Variants in PLEKHA5 observed in about 807,000 individuals in gnomAD.
PLEKHA5 encodes pleckstrin homology domain containing A5, also known as pleckstrin homology domain-containing family A member 5.
Under a neutral mutation model 181.9 loss-of-function variants are expected in PLEKHA5, and 55 were observed. That is an observed-to-expected ratio of 0.30 (90% confidence interval 0.24 to 0.38). PLEKHA5 has a LOEUF of 0.38. PLEKHA5 is among the 10% of genes least tolerant of loss of function. The pLI, the probability that PLEKHA5 is intolerant of heterozygous loss-of-function variation, is 1.00. For synonymous variants in PLEKHA5, 535 were observed against 529.4 expected, an observed-to-expected ratio of 1.01 and a Z score of -0.15; for missense variants, 1,432 against 1,549.5, an observed-to-expected ratio of 0.92 and a Z score of 1.27.
intron 3 of PLEKHA5, among the ~76,000 whole-genome samples, chr12:19,226,894 CAA>C (rs928962894): frequency 6.6e-6 from 1 of 151,928 alleles, no homozygotes; most frequent in African/African-American, 2.4e-5. Flanking sequence ...ATTTAGGAAT[CAA>C]AGAGTTATAC....
chr12:19,258,610 A>G (rs1460528130), intron 6 of PLEKHA5, among the ~76,000 whole-genome samples: 2 of 139,418 alleles, frequency 1.4e-5, no homozygotes, highest in Non-Finnish European at 3.0e-5. Context: ...ACCTGCCCAG[A>G]CTGGAGGGCA....
At chr12:19,277,558 A>G (rs1303496961) in intron 11 of PLEKHA5, among the ~76,000 whole-genome samples, 1 of 152,122 alleles carries the variant, frequency 6.6e-6, no homozygotes, top group Non-Finnish European at 1.5e-5. Context: ...GCCAGTTTTT[A>G]TAAATACTGT....
intron 3 of PLEKHA5, among the ~76,000 whole-genome samples, chr12:19,133,438 C>G (rs938655537): frequency 9.2e-5 from 14 of 151,794 alleles, no homozygotes. Flanking sequence ...TTTTAATAAA[C>G]TGAGACATGA....
intron 3 of PLEKHA5, among the ~76,000 whole-genome samples, chr12:19,224,723 T>A (rs1281022242): frequency 6.6e-6 from 1 of 152,210 alleles, no homozygotes; most frequent in Non-Finnish European, 1.5e-5. Context: ...AGTGTTCTAA[T>A]GAAATAAAAA....
At chr12:19,161,261 A>G (rs772666602) in intron 3 of PLEKHA5, among the ~76,000 whole-genome samples, 9 of 152,100 alleles carry the variant, frequency 5.9e-5, no homozygotes, top group African/African-American at 1.4e-4. Context: ...AAATGTGCCA[A>G]TTGCCCTCAC....
At chr12:19,310,060 C>T (rs558442614) in intron 15 of PLEKHA5, among the ~76,000 whole-genome samples, 6 of 152,060 alleles carry the variant, frequency 3.9e-5, no homozygotes, top group Non-Finnish European at 8.8e-5. Flanking sequence ...AAATAATCTG[C>T]CTTTTATAAT....
intron 3 of PLEKHA5, among the ~76,000 whole-genome samples, chr12:19,148,352 C>T (rs1216783704): frequency 2.6e-5 from 4 of 152,086 alleles, no homozygotes; most frequent in African/African-American, 7.2e-5. Context: ...CCACCATGTC[C>T]GTGAAGTTAT....
intron 3 of PLEKHA5, among the ~76,000 whole-genome samples, chr12:19,157,024 C>T (rs929392168): frequency 1.3e-4 from 20 of 150,866 alleles, no homozygotes; most frequent in African/African-American, 3.4e-4. Flanking sequence ...GCCACTGCAC[C>T]GTAGCCTGGT....
chr12:19,312,509 C>G (rs7957984), intron 15 of PLEKHA5, among the ~76,000 whole-genome samples: 83,657 of 152,140 alleles, frequency 0.55, 27,213 homozygotes, highest in Non-Finnish European at 0.75. Flanking sequence ...GCTGCTTCAC[C>G]TTGCACTTAC....
chr12:19,214,604 C>T (rs192700069), intron 3 of PLEKHA5, among the ~76,000 whole-genome samples: 44 of 152,124 alleles, frequency 2.9e-4, no homozygotes, highest in African/African-American at 9.4e-4. Context: ...AAAACAGATC[C>T]AGCGACATAT....
At chr12:19,170,153 A>C (rs2045554264) in intron 3 of PLEKHA5, among the ~76,000 whole-genome samples, 1 of 152,212 alleles carries the variant, frequency 6.6e-6, no homozygotes, top group Admixed American at 6.5e-5. Flanking sequence ...TAGAAACCCC[A>C]ATCCCAGTAT....
chr12:19,315,481 T>G (rs1411111848), intron 16 of PLEKHA5, among the ~76,000 whole-genome samples: 1 of 152,178 alleles, frequency 6.6e-6, no homozygotes, highest in African/African-American at 2.4e-5. Context: ...TTGTTTTTCC[T>G]TATTCAAAAT....
chr12:19,204,671 G>A (rs2054978672), intron 3 of PLEKHA5, among the ~76,000 whole-genome samples: 1 of 152,106 alleles, frequency 6.6e-6, no homozygotes, highest in Admixed American at 6.6e-5. Context: ...TTTGGGTGAT[G>A]TATGATCTAT....
chr12:19,324,759 GA>G (rs1043821989), intron 20 of PLEKHA5, among the ~76,000 whole-genome samples: 10 of 152,252 alleles, frequency 6.6e-5, no homozygotes, highest in Admixed American at 4.6e-4. Context: ...GGAAAAGGAG[GA>G]AATAGAACTA....
chr12:19,300,065 C>T (rs908170170), intron 15 of PLEKHA5, among the ~76,000 whole-genome samples: 4 of 152,180 alleles, frequency 2.6e-5, no homozygotes, highest in African/African-American at 9.6e-5. Context: ...TATCACTTTA[C>T]AGTTCACAAA....
chr12:19,369,347 A>AT lies in PLEKHA5; in HGVS notation c.3755-341dup, dbSNP rs71064100. ...ACCACGCCCAGCCAAAAAAAAAAAA[A>AT]TTTTTAAGTAGTTGTCAGGAAATAT... is the stretch of plus-strand genomic sequence containing the variant. On this transcript the variant is annotated intron_variant, in intron 30 of 31. Transcript: ENST00000429027. Among the ~76,000 whole-genome samples the AT allele has an allele frequency of 9.6e-4, 145 of 150,820 alleles. 1 individual carries two copies. Among genetic ancestry groups the AT allele is most frequent in the African/African-American group, 1.2e-3 (48 of 41,088 alleles).
chr12:19,251,849 A>C (rs1045804582), intron 3 of PLEKHA5, among the ~76,000 whole-genome samples: 8 of 151,712 alleles, frequency 5.3e-5, no homozygotes, highest in African/African-American at 1.9e-4. Flanking sequence ...GGTAGAATTG[A>C]GAAAAGGCTA....
intron 3 of PLEKHA5, among the ~76,000 whole-genome samples, chr12:19,247,754 T>G (rs886767368): frequency 6.6e-6 from 1 of 151,228 alleles, no homozygotes; most frequent in Non-Finnish European, 1.5e-5. Context: ...TTTTCTTTTT[T>G]TAAAAAAAAA....
chr12:19,182,456 A>G (rs1181963393), intron 3 of PLEKHA5, among the ~76,000 whole-genome samples: 1 of 152,236 alleles, frequency 6.6e-6, no homozygotes, highest in Non-Finnish European at 1.5e-5. Flanking sequence ...GACAAAATTT[A>G]ATGGAACCAA....
Sources: gnomAD v4.1 joint callset for allele counts (sites outside exome capture counted in the v4.1 genomes callset) on GRCh38, gnomAD v4.1.1 for gene constraint, MANE v1.5 for transcripts, NCBI Gene and HGNC (gene_info 2026-07-23, HGNC 2026-07-21) for gene names.